Variants in TNFRSF10A observed in about 807,000 individuals in gnomAD.
TNFRSF10A encodes tumor necrosis factor receptor superfamily member 10A.
TNFRSF10A carries 44 observed loss-of-function variants against 42.8 expected under a neutral mutation model. The observed-to-expected ratio is 1.03, with a 90% CI of 0.81 to 1.32. The LOEUF (loss-of-function observed/expected upper bound fraction) is 1.32. Among genes scored for constraint, TNFRSF10A ranks in the 40% most tolerant of loss-of-function variants. The pLI is 0.00. For missense variants in TNFRSF10A, 680 were observed against 602.0 expected, an observed-to-expected ratio of 1.13 and a Z score of -1.36; for synonymous variants, 259 against 234.2, an observed-to-expected ratio of 1.11 and a Z score of -0.97.
At chr8:23,223,939 G>A (rs1041208770) in intron 1 of TNFRSF10A, among the ~76,000 whole-genome samples, 1 of 152,220 alleles carries the variant, frequency 6.6e-6, no homozygotes, top group Non-Finnish European at 1.5e-5. Flanking sequence ...TGCTGCCGGT[G>A]TGCTCAGTGG....
intron 2 of TNFRSF10A, among the ~76,000 whole-genome samples, chr8:23,209,988 T>C (rs998022806): frequency 1.3e-5 from 2 of 152,178 alleles, no homozygotes; most frequent in South Asian, 4.2e-4. Flanking sequence ...GTGGGAGATA[T>C]CTGAATCACA....
intron 2 of TNFRSF10A, among the ~76,000 whole-genome samples, chr8:23,203,976 C>T (rs1563380705): frequency 6.6e-6 from 1 of 152,018 alleles, no homozygotes; most frequent in Non-Finnish European, 1.5e-5. Context: ...CGGGGTTTCA[C>T]TAGGTTTCAC....
chr8:23,221,056 G>A (rs778978351), intron 1 of TNFRSF10A, among the ~76,000 whole-genome samples: 7 of 152,154 alleles, frequency 4.6e-5, no homozygotes, highest in Non-Finnish European at 7.4e-5. Flanking sequence ...TCCCCATGGC[G>A]CTCCACCCCA....
intron 1 of TNFRSF10A, among the ~76,000 whole-genome samples, chr8:23,220,670 A>G (rs1801244729): frequency 6.6e-6 from 1 of 151,988 alleles, no homozygotes; most frequent in African/African-American, 2.4e-5. Flanking sequence ...ACCTGTCCTA[A>G]TGAACTTGAA....
At chr8:23,204,454 A>C (rs1800977600) in intron 2 of TNFRSF10A, among the ~76,000 whole-genome samples, 1 of 152,254 alleles carries the variant, frequency 6.6e-6, no homozygotes, top group Non-Finnish European at 1.5e-5. Flanking sequence ...CCACACTGCA[A>C]AGCATAGTTT....
At chr8:23,217,091 C>G (rs986922101) in intron 1 of TNFRSF10A, among the ~76,000 whole-genome samples, 2 of 152,190 alleles carry the variant, frequency 1.3e-5, no homozygotes, top group African/African-American at 4.8e-5. Flanking sequence ...TCTGATCGTT[C>G]TATCAGTTGC....
chr8:23,193,713 T>A (rs1005553941), intron 9 of TNFRSF10A, among the ~76,000 whole-genome samples: 1 of 152,252 alleles, frequency 6.6e-6, no homozygotes, highest in African/African-American at 2.4e-5. Context: ...GGAAGCACCC[T>A]GCCTGTTTCA....
chr8:23,224,938 C>A lies in TNFRSF10A; in HGVS notation c.124G>T (p.Ala42Ser). Residue 42 changes from alanine to serine, a missense_variant, in exon 1 of 10, where the codon GCG becomes TCG. Ala to Ser is a moderately conservative substitution (Grantham distance 99). Transcript: ENST00000221132. ...CCGCCTCGTGGTTCAATCCTCCCCG[C>A]GGAAGAGCCCCACACTTTGCTGGGT... ...ATPSKVWGSS[A>S]GRIEPRGGGR... 1.3e-6 allele frequency: 2 copies of A among 1,599,832 alleles called. No homozygotes were observed. Among genetic ancestry groups the A allele is most frequent in the East Asian group, 2.3e-5 (1 of 43,990 alleles).
At chr8:23,199,505 C>T (rs776294671) in intron 7 of TNFRSF10A, 57 bp from the exon 8 acceptor site, 62 of 1,583,612 alleles carry the variant, frequency 3.9e-5, no homozygotes, top group Non-Finnish European at 5.1e-5. Context: ...CCACGGGGTC[C>T]GTAGGGCACG....
rs576602426 is a variant in TNFRSF10A, at chr8:23,190,999, C to CT, written c.*694dup. 639 of 148,542 alleles carry CT rather than the reference C, an allele frequency of 4.3e-3. 3 individuals are homozygous for CT. Among genetic ancestry groups the CT allele is most frequent in the Non-Finnish European group, 6.7e-3 (445 of 66,774 alleles). 9.2% of individuals were successfully genotyped at this position (148,542 alleles called of 1,614,324 possible). ...AGGAGATCAGATGGATTTGCTTTTC[C>CT]TTTTTTTTTTGTTTTCTTCTATCTT... On this transcript the variant is annotated 3_prime_UTR_variant, in exon 10 of 10. Transcript: ENST00000221132.
In TNFRSF10A at chr8:23,224,740, C is replaced by T; in HGVS notation, c.306+16G>A. 4 of 1,556,866 alleles carry T rather than the reference C, an allele frequency of 2.6e-6. No individual in the cohort carries two copies. Among genetic ancestry groups the T allele is most frequent in the South Asian group, 1.2e-5 (1 of 84,558 alleles). Reference sequence around the variant, plus strand: ...AGGCGCGCTTTTCCCCAGGCAGGACCGCGGTGGGGACTCACCTGCAGCAGG... The same window carrying T: ...AGGCGCGCTTTTCCCCAGGCAGGACTGCGGTGGGGACTCACCTGCAGCAGG... On this transcript the variant is annotated intron_variant, in intron 1 of 9. Transcript: ENST00000221132.
chr8:23,219,792 G>A (rs1205691784), intron 1 of TNFRSF10A, among the ~76,000 whole-genome samples: 4 of 152,212 alleles, frequency 2.6e-5, no homozygotes, highest in Non-Finnish European at 5.9e-5. Context: ...ACATGGGGGC[G>A]AGGGTGTGAT....
chr8:23,207,284 G>A (rs1468896357), intron 2 of TNFRSF10A: 2 of 600,806 alleles, frequency 3.3e-6, no homozygotes, highest in Non-Finnish European at 6.4e-6. Flanking sequence ...ACCCTGATTA[G>A]GCCTGATGGA....
chr8:23,201,254 A>G (rs1403944940), intron 4 of TNFRSF10A, among the ~76,000 whole-genome samples: 1 of 152,262 alleles, frequency 6.6e-6, no homozygotes, highest in South Asian at 2.1e-4. Context: ...GACAGGACTT[A>G]TTGAGAAATC....
intron 9 of TNFRSF10A, among the ~76,000 whole-genome samples, chr8:23,195,604 C>G (rs1800812283): frequency 6.6e-6 from 1 of 152,174 alleles, no homozygotes; most frequent in East Asian, 1.9e-4. Context: ...CCAGCAAAGC[C>G]AACTTAGGAG....
intron 8 of TNFRSF10A, among the ~76,000 whole-genome samples, chr8:23,198,160 G>T (rs1800850647): frequency 6.6e-6 from 1 of 152,106 alleles, no homozygotes; most frequent in African/African-American, 2.4e-5. Context: ...AAAGCAGAGG[G>T]AAATGGGAGA....
intron 1 of TNFRSF10A, among the ~76,000 whole-genome samples, chr8:23,223,393 G>A (rs1334468292): frequency 5.3e-5 from 8 of 152,122 alleles, no homozygotes; most frequent in Non-Finnish European, 1.0e-4. Context: ...CCACACCAAC[G>A]GACTGTGACA....
chr8:23,206,919 T>C (rs73222594), intron 2 of TNFRSF10A: 11,044 of 285,516 alleles, frequency 0.039, 331 homozygotes, highest in Non-Finnish European at 0.054. Context: ...TTTCACAAGA[T>C]GGCACTGAAA....
At chr8:23,217,116 C>T (rs1771211849) in intron 1 of TNFRSF10A, among the ~76,000 whole-genome samples, 1 of 152,200 alleles carries the variant, frequency 6.6e-6, no homozygotes, top group Admixed American at 6.5e-5. Context: ...AAGGGGGTGA[C>T]ATGATCTCCC....
Sources: allele counts gnomAD v4.1 joint callset (sites outside exome capture counted in the v4.1 genomes callset), GRCh38; gene constraint gnomAD v4.1.1; transcripts MANE v1.5; gene names NCBI Gene and HGNC (gene_info 2026-07-23, HGNC 2026-07-21).